Variants in CCBE1 observed in about 807,000 individuals in gnomAD.
CCBE1 encodes collagen and calcium-binding EGF domain-containing protein 1.
In CCBE1, 37 loss-of-function variants were observed where a neutral mutation model predicts 50.0. That is an observed-to-expected ratio of 0.74 (90% confidence interval 0.57 to 0.97). CCBE1 has a LOEUF of 0.97. CCBE1 is among the 50% of genes least tolerant of loss of function. The pLI, the probability that CCBE1 is intolerant of heterozygous loss-of-function variation, is 0.00. For synonymous variants in CCBE1, 234 were observed against 203.7 expected (o/e 1.15, Z -1.27); for missense variants, 538 against 523.8 (o/e 1.03, Z -0.26).
intron 2 of CCBE1, among the ~76,000 whole-genome samples, chr18:59,528,072 T>G (rs1914899807): frequency 6.6e-6 from 1 of 152,186 alleles, no homozygotes; most frequent in Admixed American, 6.5e-5. Flanking sequence ...TGGAGTATGT[T>G]TTCCAACTTG....
At chr18:59,642,077 A>G (rs540314819) in intron 2 of CCBE1, among the ~76,000 whole-genome samples, 1 of 152,330 alleles carries the variant, frequency 6.6e-6, no homozygotes, top group Non-Finnish European at 1.5e-5. Flanking sequence ...AATTTTTTTC[A>G]TCAAAAAAAC....
chr18:59,509,567 C>T (rs1002574851), intron 2 of CCBE1, among the ~76,000 whole-genome samples: 1 of 152,112 alleles, frequency 6.6e-6, no homozygotes, highest in African/African-American at 2.4e-5. Context: ...AAACTTGGTC[C>T]TTAACCAGAA....
intron 2 of CCBE1, among the ~76,000 whole-genome samples, chr18:59,551,037 A>G (rs1417036069): frequency 3.4e-5 from 5 of 148,124 alleles, no homozygotes; most frequent in Non-Finnish European, 7.4e-5. Flanking sequence ...AAAGAAAAGA[A>G]AAGAAAAGAA....
In CCBE1 at chr18:59,487,758, C is replaced by T. The variant is rs904110029; in HGVS notation, c.213-7520G>A. On this transcript the variant is annotated intron_variant, in intron 2 of 10. Transcript: ENST00000439986. Reference sequence around the variant, plus strand: ...GCTAACACGTACAATTACTGATGGTCAAGATCAAATGAGAAAAACAATATA... The same window carrying T: ...GCTAACACGTACAATTACTGATGGTTAAGATCAAATGAGAAAAACAATATA... Among the ~76,000 whole-genome samples the T allele has an allele frequency of 2.0e-5, 3 of 152,034 alleles. No homozygotes were observed. The East Asian group carries it at 5.8e-4, about 29-fold the overall frequency.
At position 59,529,225 on chromosome 18, in the gene CCBE1, G is replaced by A. The variant is rs184884320; in HGVS notation, c.213-48987C>T. Reference sequence around the variant, plus strand: ...GTGAGGAGAGATGGGTCAGGGTCCAGCCCAAAGAGGCAGTCTGGTCATGAT... The same window carrying A: ...GTGAGGAGAGATGGGTCAGGGTCCAACCCAAAGAGGCAGTCTGGTCATGAT... On this transcript the variant is annotated intron_variant, in intron 2 of 10. Transcript: ENST00000439986. Among the ~76,000 whole-genome samples the A allele has an allele frequency of 3.3e-5, 5 of 152,362 alleles. No homozygotes were observed. The East Asian group carries it at 9.7e-4, about 29-fold the overall frequency.
At chr18:59,513,842 T>C (rs1461271605) in intron 2 of CCBE1, among the ~76,000 whole-genome samples, 1 of 152,200 alleles carries the variant, frequency 6.6e-6, no homozygotes. Flanking sequence ...GCTCCAAGCC[T>C]GTGCTCCTTC....
chr18:59,462,698 T>A (rs1209062191), intron 5 of CCBE1, among the ~76,000 whole-genome samples: 3 of 151,878 alleles, frequency 2.0e-5, no homozygotes, highest in African/African-American at 7.3e-5. Context: ...TTTTTTTTTT[T>A]AAATGGCAAT....
chr18:59,451,780 C>G (rs551299806), intron 6 of CCBE1, among the ~76,000 whole-genome samples: 2 of 152,254 alleles, frequency 1.3e-5, no homozygotes, highest in Admixed American at 1.3e-4. Context: ...AACAAACCCG[C>G]CCATCCTGCA....
At chr18:59,568,618 C>T (rs1272883595) in intron 2 of CCBE1, 2 of 152,244 alleles carry the variant, frequency 1.3e-5, no homozygotes, top group Non-Finnish European at 2.9e-5. Flanking sequence ...AGAAGATAGG[C>T]TGCATCTGCT....
chr18:59,614,609 C>T (rs1294468218), intron 2 of CCBE1, among the ~76,000 whole-genome samples: 1 of 152,134 alleles, frequency 6.6e-6, no homozygotes, highest in East Asian at 1.9e-4. Context: ...TCAATGAAGC[C>T]CAGAAGGAAG....
At chr18:59,462,214 A>G (rs533890220) in intron 5 of CCBE1, among the ~76,000 whole-genome samples, 36 of 152,278 alleles carry the variant, frequency 2.4e-4, no homozygotes, top group African/African-American at 7.0e-4. Context: ...AGTCTACAGA[A>G]AACACTCCTC....
chr18:59,666,461 A>G (rs184552915), intron 2 of CCBE1, among the ~76,000 whole-genome samples: 16 of 152,324 alleles, frequency 1.1e-4, no homozygotes, highest in African/African-American at 3.1e-4. Flanking sequence ...GACATTCTAC[A>G]TAAGGATACA....
intron 2 of CCBE1, among the ~76,000 whole-genome samples, chr18:59,655,742 G>A (rs1038165008): frequency 6.6e-6 from 1 of 152,068 alleles, no homozygotes; most frequent in African/African-American, 2.4e-5. Flanking sequence ...CAAAAGGCAG[G>A]CAGGGCTACG....
intron 6 of CCBE1, among the ~76,000 whole-genome samples, chr18:59,449,568 G>A (rs1910833776): frequency 6.7e-6 from 1 of 148,682 alleles, no homozygotes; most frequent in Non-Finnish European, 1.5e-5. Flanking sequence ...GTTGCAGTGA[G>A]CCGAGATCGC....
At chr18:59,473,819 C>A (rs138433255) in intron 3 of CCBE1, among the ~76,000 whole-genome samples, 3 of 72,962 alleles carry the variant, frequency 4.1e-5, no homozygotes, top group Non-Finnish European at 6.3e-5. Flanking sequence ...ACTATTCCCC[C>A]CTACTACTCA....
intron 2 of CCBE1, among the ~76,000 whole-genome samples, chr18:59,548,188 G>T (rs1190051782): frequency 6.6e-6 from 1 of 152,170 alleles, no homozygotes; most frequent in East Asian, 1.9e-4. Flanking sequence ...CTGGCCAGTG[G>T]TTTGTTGGGG....
Position 59,650,758 on chromosome 18 carries a change from G to A in CCBE1, c.212+45871C>T, listed in dbSNP as rs181418892. The stretch of plus-strand genomic sequence containing the variant: ...TTTCTCCACTCTCACTGCCTTGCAT[G>A]TTGTACTGGAGAACAAGCCCATCCT... On this transcript the variant is annotated intron_variant, in intron 2 of 10. Transcript: ENST00000439986. Among the ~76,000 whole-genome samples the A allele has an allele frequency of 2.3e-3, 351 of 151,444 alleles. 1 individual carries two copies. The highest frequency in any genetic ancestry group is 7.9e-3 in the African/African-American group (328 of 41,276).
intron 2 of CCBE1, among the ~76,000 whole-genome samples, chr18:59,596,233 A>AG (rs2053348897): frequency 6.6e-6 from 1 of 152,178 alleles, no homozygotes; most frequent in Non-Finnish European, 1.5e-5. Context: ...AGGAGGACAC[A>AG]GGGGAGAGAA....
At chr18:59,575,517 A>G (rs1454312917) in intron 2 of CCBE1, among the ~76,000 whole-genome samples, 2 of 152,228 alleles carry the variant, frequency 1.3e-5, no homozygotes, top group African/African-American at 2.4e-5. Context: ...GGATTTTGAT[A>G]CTAGAAATTA....
Sources: allele counts gnomAD v4.1 joint callset (sites outside exome capture counted in the v4.1 genomes callset), GRCh38; gene constraint gnomAD v4.1.1; transcripts MANE v1.5; gene names NCBI Gene and HGNC (gene_info 2026-07-23, HGNC 2026-07-21).